Variants in DCDC1 observed in about 807,000 individuals in gnomAD.
DCDC1 encodes doublecortin domain containing 1, also known as doublecortin domain-containing protein 1.
In DCDC1, 200 loss-of-function variants were observed where a neutral mutation model predicts 178.3. That is an observed-to-expected ratio of 1.12 (90% CI 1.00 to 1.26). The LOEUF (loss-of-function observed/expected upper bound fraction) is 1.26, where lower values mean the gene tolerates loss of function less well. Ranked by LOEUF, DCDC1 falls within the 50% of genes most tolerant of loss-of-function variation. The probability of loss-of-function intolerance (pLI) is 0.00; values close to 1 mark genes in which losing one functional copy is unlikely to be tolerated. For missense variants in DCDC1, 1,983 were observed against 1,749.2 expected (o/e 1.13, Z -2.38); for synonymous variants, 690 against 604.8 (o/e 1.14, Z -2.07).
chr11:31,336,457 G>A (rs1343029865), intron 1 of DCDC1, among the ~76,000 whole-genome samples: 1 of 152,220 alleles, frequency 6.6e-6, no homozygotes, highest in Non-Finnish European at 1.5e-5. Context: ...ACACAACACA[G>A]GACCTTGCAG....
chr11:31,118,515 C>T (rs1960311634), intron 11 of DCDC1, among the ~76,000 whole-genome samples: 1 of 152,066 alleles, frequency 6.6e-6, no homozygotes, highest in Non-Finnish European at 1.5e-5. Context: ...GTCAGACTAA[C>T]ATAGATGTCA....
intron 21 of DCDC1, among the ~76,000 whole-genome samples, chr11:30,937,574 G>T (rs1344938209): frequency 6.6e-6 from 1 of 152,048 alleles, no homozygotes; most frequent in Non-Finnish European, 1.5e-5. Flanking sequence ...CTCCTTCGAG[G>T]GAGATCTTGA....
intron 21 of DCDC1, among the ~76,000 whole-genome samples, chr11:30,937,593 T>C (rs1329782839): frequency 6.6e-6 from 1 of 152,126 alleles, no homozygotes; most frequent in African/African-American, 2.4e-5. Flanking sequence ...GATCTAACCT[T>C]TTTCTGACTA....
intron 7 of DCDC1, among the ~76,000 whole-genome samples, chr11:31,288,064 A>G (rs1461543981): frequency 6.6e-6 from 1 of 151,990 alleles, no homozygotes; most frequent in Non-Finnish European, 1.5e-5. Flanking sequence ...AACATTTTTC[A>G]TAAAAGAAAT....
chr11:30,896,431 G>A (rs1322413242), intron 34 of DCDC1, among the ~76,000 whole-genome samples: 2 of 152,178 alleles, frequency 1.3e-5, no homozygotes, highest in African/African-American at 2.4e-5. Flanking sequence ...TTAGAAACTA[G>A]AGAACACAAG....
intron 20 of DCDC1, among the ~76,000 whole-genome samples, chr11:31,041,178 T>A (rs1954425087): frequency 6.6e-6 from 1 of 152,184 alleles, no homozygotes; most frequent in South Asian, 2.1e-4. Flanking sequence ...ACAGTCCCTG[T>A]CCTCATTCAG....
intron 1 of DCDC1, among the ~76,000 whole-genome samples, chr11:31,356,720 A>C (rs531782646): frequency 5.4e-5 from 8 of 148,058 alleles, no homozygotes; most frequent in African/African-American, 1.0e-4. Flanking sequence ...AGAGAGAAGA[A>C]TCAAATAGAC....
At chr11:31,093,207 T>C (rs564795074) in intron 16 of DCDC1, among the ~76,000 whole-genome samples, 65 of 152,318 alleles carry the variant, frequency 4.3e-4, no homozygotes, top group African/African-American at 1.6e-3. Context: ...AAATAAATAA[T>C]ATGTCTTAGT....
intron 20 of DCDC1, among the ~76,000 whole-genome samples, chr11:31,019,045 T>A (rs796391543): frequency 6.6e-6 from 1 of 152,182 alleles, no homozygotes; most frequent in African/African-American, 2.4e-5. Context: ...ATGGATTTTC[T>A]ATATCTGATA....
intron 9 of DCDC1, among the ~76,000 whole-genome samples, chr11:31,218,964 T>C (rs1222752038): frequency 6.6e-6 from 1 of 152,158 alleles, no homozygotes; most frequent in Non-Finnish European, 1.5e-5. Context: ...ATGAGGCTGA[T>C]TCTCATGCAT....
At chr11:30,915,443 G>A in intron 27 of DCDC1, 68 bp downstream of exon 27, 1 of 1,535,214 alleles carries the variant, frequency 6.5e-7, no homozygotes, top group Non-Finnish European at 9.0e-7. Flanking sequence ...GTTCTGTGGG[G>A]ACCATGCTAG....
intron 20 of DCDC1, among the ~76,000 whole-genome samples, chr11:30,956,546 T>C (rs1948786613): frequency 6.6e-6 from 1 of 152,182 alleles, no homozygotes; most frequent in African/African-American, 2.4e-5. Context: ...GTTCTATGCA[T>C]AGGAGCAAGT....
At chr11:31,329,292 C>A (rs1443104941) in intron 2 of DCDC1, among the ~76,000 whole-genome samples, 3 of 152,050 alleles carry the variant, frequency 2.0e-5, no homozygotes, top group Admixed American at 6.6e-5. Flanking sequence ...ACATTTGAAT[C>A]CCTGAGACCA....
chr11:30,962,485 C>T (rs1949158772), intron 20 of DCDC1, among the ~76,000 whole-genome samples: 2 of 151,978 alleles, frequency 1.3e-5, no homozygotes, highest in African/African-American at 4.8e-5. Context: ...AACAATAACA[C>T]TGAAAAGAAT....
At chr11:31,204,826 A>G (rs560498416) in intron 9 of DCDC1, among the ~76,000 whole-genome samples, 134 of 152,326 alleles carry the variant, frequency 8.8e-4, no homozygotes, top group African/African-American at 3.1e-3. Context: ...CATCTCAAAA[A>G]CAAAACAAAA....
At chr11:31,254,765 T>A (rs1016121586) in intron 8 of DCDC1, among the ~76,000 whole-genome samples, 1 of 152,152 alleles carries the variant, frequency 6.6e-6, no homozygotes, top group African/African-American at 2.4e-5. Context: ...TTCTGCTCCA[T>A]TTGTCTTTTT....
chr11:31,069,679 T>C (rs1720405760), intron 18 of DCDC1, among the ~76,000 whole-genome samples: 2 of 152,322 alleles, frequency 1.3e-5, no homozygotes, highest in African/African-American at 4.8e-5. Flanking sequence ...GCTCAAATTC[T>C]GGCAACTGTA....
intron 21 of DCDC1, among the ~76,000 whole-genome samples, chr11:30,945,958 G>A (rs1008241709): frequency 4.6e-5 from 7 of 151,854 alleles, no homozygotes; most frequent in African/African-American, 1.5e-4. Flanking sequence ...TTTTTTGTTC[G>A]TTTTTTAGCT....
intron 10 of DCDC1, among the ~76,000 whole-genome samples, chr11:31,132,428 A>G (rs1591159593): frequency 6.6e-6 from 1 of 152,360 alleles, no homozygotes; most frequent in Non-Finnish European, 1.5e-5. Context: ...ATTTTACATA[A>G]TATGATTTTT....
Sources: allele counts gnomAD v4.1 joint callset (sites outside exome capture counted in the v4.1 genomes callset), GRCh38; gene constraint gnomAD v4.1.1; transcripts MANE v1.5; gene names NCBI Gene and HGNC (gene_info 2026-07-23, HGNC 2026-07-21).